TEKTL1: variants seen among roughly 807,000 people sequenced by gnomAD.
TEKTL1 encodes tektin-like protein 1.
chr19:15,018,184 CT>C, the TEKTL1 span, among the ~76,000 whole-genome samples: 1 of 152,122 alleles, frequency 6.6e-6, no homozygotes, highest in Non-Finnish European at 1.5e-5. Flanking sequence ...AAAATCCTGT[CT>C]CTACTAAAAA....
chr19:15,022,884 T>C, the TEKTL1 span: 2 of 1,595,462 alleles, frequency 1.3e-6, no homozygotes, highest in Non-Finnish European at 1.7e-6. Flanking sequence ...ACCGACAAGC[T>C]GCAGTGCCAC....
At chr19:15,012,202 G>A in the TEKTL1 span, among the ~76,000 whole-genome samples, 1 of 152,026 alleles carries the variant, frequency 6.6e-6, no homozygotes, top group African/African-American at 2.4e-5. Context: ...TGAGGCTGCA[G>A]TAAGCTATAA....
the TEKTL1 span, among the ~76,000 whole-genome samples, chr19:15,019,720 GC>G: frequency 6.6e-6 from 1 of 152,086 alleles, no homozygotes; most frequent in Non-Finnish European, 1.5e-5. Flanking sequence ...AGGCACAGTG[GC>G]TCATGCCTGC....
At chr19:15,011,327 G>A in the TEKTL1 span, 1 of 1,502,054 alleles carries the variant, frequency 6.7e-7, no homozygotes, top group Admixed American at 2.5e-5. Flanking sequence ...GCTCAGCGAA[G>A]TGCGCAAGGG....
the TEKTL1 span, chr19:15,021,956 C>A: frequency 1.0e-5 from 15 of 1,504,254 alleles, no homozygotes; most frequent in Middle Eastern, 1.7e-4. Context: ...AGGCCCAGCC[C>A]CGCCAATGGT....
chr19:15,013,631 C>G, the TEKTL1 span: 1 of 1,460,466 alleles, frequency 6.8e-7, no homozygotes, highest in African/African-American at 1.4e-5. Context: ...TCTTCCCAGC[C>G]CTTTCTTAAC....
At chr19:15,018,319 A>T in the TEKTL1 span, among the ~76,000 whole-genome samples, 1 of 152,182 alleles carries the variant, frequency 6.6e-6, no homozygotes, top group African/African-American at 2.4e-5. Flanking sequence ...GCACCATTGC[A>T]TGATCTGTCT....
the TEKTL1 span, among the ~76,000 whole-genome samples, chr19:15,013,936 G>A: frequency 0.33 from 50,728 of 151,840 alleles, 8,572 homozygotes; most frequent in Non-Finnish European, 0.37. Flanking sequence ...GAAAAAGGGA[G>A]GTCATGGGAG....
the TEKTL1 span, chr19:15,013,785 T>G: frequency 6.3e-7 from 1 of 1,591,152 alleles, no homozygotes; most frequent in Non-Finnish European, 8.6e-7. Context: ...AGGTTAGGGG[T>G]GCCTGTGGAC....
At chr19:15,015,095 G>A in the TEKTL1 span, among the ~76,000 whole-genome samples, 1 of 152,154 alleles carries the variant, frequency 6.6e-6, no homozygotes, top group Admixed American at 6.6e-5. Flanking sequence ...GCTGAGGGAG[G>A]AGGATTGCTT....
the TEKTL1 span, among the ~76,000 whole-genome samples, chr19:15,020,879 CTT>C: frequency 1.2e-4 from 17 of 144,830 alleles, no homozygotes; most frequent in Admixed American, 2.1e-4. Flanking sequence ...ACAGGCTCTG[CTT>C]TTTTTTTTTT....
At chr19:15,010,759 T>A in the TEKTL1 span, 2 of 1,443,152 alleles carry the variant, frequency 1.4e-6, no homozygotes, top group East Asian at 2.5e-5. Context: ...GAAAGAGTTG[T>A]GTGTCTTTGG....
At chr19:15,022,983 A>T in the TEKTL1 span, 1 of 1,613,320 alleles carries the variant, frequency 6.2e-7, no homozygotes, top group Non-Finnish European at 8.5e-7. Context: ...ATCGGGCATG[A>T]GGTGGACGGC....
the TEKTL1 span, chr19:15,020,668 C>A: frequency 1.2e-6 from 2 of 1,609,374 alleles, no homozygotes; most frequent in Admixed American, 1.7e-5. Flanking sequence ...AGGTAGGAGT[C>A]CACTGTACTG....
the TEKTL1 span, chr19:15,022,753 T>A: frequency 1.1e-5 from 10 of 927,268 alleles, no homozygotes; most frequent in African/African-American, 1.7e-5. Flanking sequence ...ACCTGGCCCA[T>A]TCAGATGTGT....
At chr19:15,021,973 C>T in the TEKTL1 span, 29 of 1,390,480 alleles carry the variant, frequency 2.1e-5, no homozygotes, top group Middle Eastern at 3.6e-4. Context: ...TGGTAAGGCT[C>T]CTTCCTCAAG....
chr19:15,015,137 T>G, the TEKTL1 span, among the ~76,000 whole-genome samples: 1 of 152,112 alleles, frequency 6.6e-6, no homozygotes, highest in African/African-American at 2.4e-5. Flanking sequence ...CAGTGAGCCA[T>G]GATCATACCT....
the TEKTL1 span, among the ~76,000 whole-genome samples, chr19:15,021,103 A>T: frequency 6.6e-6 from 1 of 151,078 alleles, no homozygotes; most frequent in Non-Finnish European, 1.5e-5. Flanking sequence ...CTGGTCTCGA[A>T]CTCCTGACCT....
chr19:15,020,743 C>T, the TEKTL1 span: 7 of 1,197,498 alleles, frequency 5.8e-6, no homozygotes, highest in Non-Finnish European at 8.2e-6. Flanking sequence ...ACTTAGCTGT[C>T]CCTTTCCTGG....
Sources: allele counts gnomAD v4.1 joint callset (sites outside exome capture counted in the v4.1 genomes callset), GRCh38; gene constraint gnomAD v4.1.1; transcripts MANE v1.5; gene names NCBI Gene and HGNC (gene_info 2026-07-23, HGNC 2026-07-21).